The following TMEM181 variants were observed in gnomAD, a reference collection of about 807,000 sequenced individuals.
TMEM181 encodes the protein transmembrane protein 181.
TMEM181 carries 39 observed loss-of-function variants against 71.9 expected under a neutral mutation model. The observed-to-expected ratio is 0.54, with a 90% CI of 0.42 to 0.71. The LOEUF is 0.71. TMEM181 is among the 30% of genes least tolerant of loss of function. The probability of loss-of-function intolerance (pLI) is 0.00; values close to 1 mark genes in which losing one functional copy is unlikely to be tolerated. For missense variants in TMEM181, 595 were observed against 583.0 expected (o/e 1.02, Z -0.21); for synonymous variants, 245 against 228.8 (o/e 1.07, Z -0.64).
chr6:158,598,283 C>T (rs936998200), intron 6 of TMEM181, among the ~76,000 whole-genome samples: 1 of 152,146 alleles, frequency 6.6e-6, no homozygotes, highest in African/African-American at 2.4e-5. Context: ...GCATTTTTTC[C>T]TCTGATTAAG....
chr6:158,612,339 G>C (rs969662305), intron 10 of TMEM181, among the ~76,000 whole-genome samples: 2 of 152,214 alleles, frequency 1.3e-5, no homozygotes, highest in African/African-American at 2.4e-5. Flanking sequence ...CAGGGGCGAC[G>C]TGTTCTTTCT....
rs115456444 is a variant in TMEM181 at position 158,627,907 on chromosome 6, C to T, written c.1110-501C>T. ...CGAGGCCTCTGTTGTCATCTGTCAC[C>T]GGCTGGGAGTCTGAACCAAAGATGT... On this transcript the variant is annotated intron_variant, in intron 13 of 16. Coordinates refer to ENST00000684151, the MANE Select transcript of TMEM181 (RefSeq NM_001376852.1). Among the ~76,000 whole-genome samples, 504 of 152,254 alleles carry T rather than the reference C, an allele frequency of 3.3e-3. 1 individual carries two copies. Among genetic ancestry groups the T allele is most frequent in the African/African-American group, 0.011 (456 of 41,540 alleles).
intron 1 of TMEM181, among the ~76,000 whole-genome samples, chr6:158,537,540 CCT>C (rs1174706349): frequency 1.3e-5 from 2 of 152,228 alleles, no homozygotes; most frequent in Non-Finnish European, 2.9e-5. Flanking sequence ...CCGCCCCCTT[CCT>C]CTCTGCGCTC....
In TMEM181 at chr6:158,608,478, C is replaced by T. The variant is rs2128317505; in HGVS notation, c.804+15C>T. ...TTCGTGTCCAGGTGAGCCGGAGCCG[C>T]CCTCACTGCCGGGGGAGGTTCCAGA... On this transcript the variant is annotated intron_variant, in intron 9 of 16. Transcript: ENST00000684151. 1 of 1,614,180 alleles carries T rather than the reference C, an allele frequency of 6.2e-7. No individual in the cohort carries two copies.
At chr6:158,584,229 C>G (rs1025382172) in intron 4 of TMEM181, among the ~76,000 whole-genome samples, 185 bp downstream of exon 4, 1 of 152,194 alleles carries the variant, frequency 6.6e-6, no homozygotes, top group African/African-American at 2.4e-5. Context: ...GAGAAAGTTG[C>G]GATAGATAGA....
At chr6:158,629,846 T>C (rs1325666012) in intron 15 of TMEM181, 27 bp downstream of exon 15, 1 of 1,592,828 alleles carries the variant, frequency 6.3e-7, no homozygotes, top group South Asian at 1.1e-5. Context: ...TCTGGACTGC[T>C]GGCCAGTTAG....
chr6:158,576,221 AG>A (rs1783146437), intron 2 of TMEM181, among the ~76,000 whole-genome samples: 1 of 152,210 alleles, frequency 6.6e-6, no homozygotes, highest in Non-Finnish European at 1.5e-5. Context: ...GCACAGTAGC[AG>A]GTACCCATCT....
At chr6:158,563,792 G>A (rs923280076) in intron 1 of TMEM181, among the ~76,000 whole-genome samples, 1 of 152,170 alleles carries the variant, frequency 6.6e-6, no homozygotes, top group Non-Finnish European at 1.5e-5. Flanking sequence ...GGCCTTGAAT[G>A]TTCACATAAT....
At position 158,537,842 on chromosome 6, in the gene TMEM181, C is replaced by T. The variant is rs79847347; in HGVS notation, c.131+977C>T. The stretch of plus-strand genomic sequence containing the variant: ...ATCCTGTACTCATCATAGGTACCTG[C>T]TCAGAAAAAGGCGTGTCACACTTAT... On this transcript the variant is annotated intron_variant, in intron 1 of 16. Transcript: ENST00000367090. Among the ~76,000 whole-genome samples, 1,228 of 152,246 alleles carry T rather than the reference C, an allele frequency of 8.1e-3. 22 individuals carry two copies. Among genetic ancestry groups the T allele is most frequent in the African/African-American group, 0.028 (1,153 of 41,544 alleles).
intron 2 of TMEM181, among the ~76,000 whole-genome samples, chr6:158,578,379 G>T (rs1468152109): frequency 6.6e-6 from 1 of 152,004 alleles, no homozygotes. Context: ...TGTTTTCAAC[G>T]TTATTTGAAA....
chr6:158,600,480 T>C (rs1784611314), intron 6 of TMEM181, among the ~76,000 whole-genome samples: 1 of 105,276 alleles, frequency 9.5e-6, no homozygotes, highest in Non-Finnish European at 1.9e-5. Context: ...TTTTTTTTTT[T>C]TTTTTTGGAG....
intron 1 of TMEM181, among the ~76,000 whole-genome samples, chr6:158,561,833 G>C (rs1179287753): frequency 6.6e-6 from 1 of 152,106 alleles, no homozygotes; most frequent in Non-Finnish European, 1.5e-5. Context: ...AGGGTATCTG[G>C]AAATCAGCCC....
At position 158,631,736 on chromosome 6, in the gene TMEM181, G is replaced by A. The variant is rs901936834; in HGVS notation, c.1350-74G>A. ...GCTATGATTTAATTCCTGCTGGAAT[G>A]GTGTGTCAGTGTGGAAGAGGAAAAT... On this transcript the variant is annotated intron_variant, in intron 16 of 16. Coordinates refer to ENST00000684151, the MANE Select transcript of TMEM181 (RefSeq NM_001376852.1). 2.7e-5 allele frequency: 39 copies of A among 1,432,516 alleles called. No homozygotes were observed. In the South Asian group the frequency reaches 4.3e-4, roughly 16 times the overall value. The allele number at this position is 1,432,516 out of a possible 1,614,324, so 88.7% of individuals were successfully genotyped here.
intron 5 of TMEM181, among the ~76,000 whole-genome samples, chr6:158,588,064 A>G (rs1001073560): frequency 2.6e-5 from 4 of 152,264 alleles, no homozygotes; most frequent in Non-Finnish European, 5.9e-5. Flanking sequence ...CTTAAAGCCC[A>G]GAGGGCAGGC....
chr6:158,565,494 A>C (rs1228147300), intron 1 of TMEM181, among the ~76,000 whole-genome samples: 1 of 152,244 alleles, frequency 6.6e-6, no homozygotes, highest in Non-Finnish European at 1.5e-5. Context: ...ACAGAAGCAG[A>C]GGGCCAAAGC....
intron 5 of TMEM181, among the ~76,000 whole-genome samples, chr6:158,587,918 C>G (rs1236114536): frequency 6.6e-6 from 1 of 152,188 alleles, no homozygotes; most frequent in Admixed American, 6.5e-5. Flanking sequence ...GTCTACCCAG[C>G]AAAAATGTAT....
intron 2 of TMEM181, among the ~76,000 whole-genome samples, chr6:158,577,006 G>A (rs1783197918): frequency 6.8e-6 from 1 of 146,658 alleles, no homozygotes; most frequent in African/African-American, 2.5e-5. Flanking sequence ...AGCTTGCAGT[G>A]AGCCGAGATT....
At chr6:158,606,050 G>T (rs1354546428) in intron 7 of TMEM181, among the ~76,000 whole-genome samples, 1 of 152,096 alleles carries the variant, frequency 6.6e-6, no homozygotes, top group African/African-American at 2.4e-5. Flanking sequence ...GGAACACTTG[G>T]TATTTTTCAG....
chr6:158,621,834 C>G (rs534117770), intron 10 of TMEM181, among the ~76,000 whole-genome samples: 34 of 152,354 alleles, frequency 2.2e-4, no homozygotes, highest in African/African-American at 8.2e-4. Flanking sequence ...GCTTCAGGGG[C>G]TACAGAGCAC....
Sources: allele counts gnomAD v4.1 joint callset (sites outside exome capture counted in the v4.1 genomes callset), GRCh38; gene constraint gnomAD v4.1.1; transcripts MANE v1.5; gene names NCBI Gene and HGNC (gene_info 2026-07-23, HGNC 2026-07-21).